Variants in ITPR2 observed in about 807,000 individuals in gnomAD.
ITPR2 encodes the protein inositol 1,4,5-trisphosphate-gated calcium channel ITPR2.
ITPR2 carries 207 observed loss-of-function variants against 317.1 expected under a neutral mutation model. The observed-to-expected ratio is 0.65, with a 90% CI of 0.58 to 0.73. The LOEUF is 0.73. ITPR2 is among the 30% of genes least tolerant of loss of function. The probability of loss-of-function intolerance (pLI) is 0.00; values close to 1 mark genes in which losing one functional copy is unlikely to be tolerated. For synonymous variants in ITPR2, 1,156 were observed against 1,149.1 expected, an observed-to-expected ratio of 1.01 and a Z score of -0.12; for missense variants, 2,613 against 3,284.0, an observed-to-expected ratio of 0.80 and a Z score of 4.99.
rs776600793 is a variant in ITPR2, at chr12:26,628,166, T to C, written c.2935-4A>G. Reference sequence around the variant, plus strand: ...CCAGTCTGACACTCAGGATAAACTATAAGAAACATTAAGAACAACATAAAT... The same window carrying C: ...CCAGTCTGACACTCAGGATAAACTACAAGAAACATTAAGAACAACATAAAT... On this transcript the variant is annotated splice_region_variant and splice_polypyrimidine_tract_variant and intron_variant, in intron 22 of 56. Transcript: ENST00000381340. 2 of 1,577,478 alleles carry C rather than the reference T, an allele frequency of 1.3e-6. No homozygotes were observed. The highest frequency in any genetic ancestry group is 1.7e-6 in the Non-Finnish European group (2 of 1,160,822).
At chr12:26,743,342 A>G (rs1949267838) in intron 2 of ITPR2, among the ~76,000 whole-genome samples, 1 of 152,240 alleles carries the variant, frequency 6.6e-6, no homozygotes, top group African/African-American at 2.4e-5. Context: ...TTATATTTAC[A>G]TTTATTTATA....
At chr12:26,527,032 G>T (rs982945090) in intron 37 of ITPR2, among the ~76,000 whole-genome samples, 1 of 152,126 alleles carries the variant, frequency 6.6e-6, no homozygotes, top group African/African-American at 2.4e-5. Flanking sequence ...AGCCCCTAAT[G>T]ATCTATTCCT....
chr12:26,773,129 A>G (rs1354873232), intron 2 of ITPR2, among the ~76,000 whole-genome samples: 1 of 152,204 alleles, frequency 6.6e-6, no homozygotes, highest in African/African-American at 2.4e-5. Flanking sequence ...GTTGAAAAAC[A>G]AGCCTACCTT....
intron 26 of ITPR2, among the ~76,000 whole-genome samples, chr12:26,605,126 A>AAAAAAATATAT (rs1555165395): frequency 2.2e-5 from 3 of 136,322 alleles, no homozygotes; most frequent in Middle Eastern, 4.0e-3. Flanking sequence ...AAAAAATAAA[A>AAAAAAATATAT]ATATATATAT....
At position 26,798,608 on chromosome 12, in the gene ITPR2, C is replaced by T. The variant is rs1592141184; in HGVS notation, c.93-8381G>A. On this transcript the variant is annotated intron_variant, in intron 1 of 56. Transcript: ENST00000381340. ...GTAATATGCACATTTTTTAACTTAG[C>T]CAACACTCAAGTTGCCCAAATAAGA... Among the ~76,000 whole-genome samples the T allele has an allele frequency of 2.6e-5, 4 of 152,158 alleles. No homozygotes were observed. The South Asian group carries it at 8.3e-4, about 31-fold the overall frequency.
intron 26 of ITPR2, among the ~76,000 whole-genome samples, chr12:26,613,399 AT>A (rs1410764740): frequency 6.6e-6 from 1 of 152,220 alleles, no homozygotes; most frequent in Non-Finnish European, 1.5e-5. Context: ...TCTAAAAATG[AT>A]TGATAAAATA....
At chr12:26,356,727 TTG>T (rs1374185363) in intron 55 of ITPR2, among the ~76,000 whole-genome samples, 1 of 152,244 alleles carries the variant, frequency 6.6e-6, no homozygotes, top group African/African-American at 2.4e-5. Context: ...GATTGATTGA[TTG>T]TAGGGTGGGG....
intron 1 of ITPR2, among the ~76,000 whole-genome samples, chr12:26,812,509 G>A (rs1398983576): frequency 6.6e-6 from 1 of 152,112 alleles, no homozygotes; most frequent in Non-Finnish European, 1.5e-5. Context: ...AACCCGTGAG[G>A]CGGAGCTTGC....
chr12:26,689,586 A>C (rs1948195454), intron 10 of ITPR2, among the ~76,000 whole-genome samples: 1 of 152,140 alleles, frequency 6.6e-6, no homozygotes, highest in African/African-American at 2.4e-5. Flanking sequence ...GTGTTATAAT[A>C]AGATATGGAT....
intron 9 of ITPR2, among the ~76,000 whole-genome samples, chr12:26,703,619 T>G (rs1948495949): frequency 6.6e-6 from 1 of 152,228 alleles, no homozygotes; most frequent in Non-Finnish European, 1.5e-5. Context: ...TTGCCATCGT[T>G]ACCCTCAGTT....
At chr12:26,650,791 T>C (rs1326120471) in intron 21 of ITPR2, among the ~76,000 whole-genome samples, 3 of 151,964 alleles carry the variant, frequency 2.0e-5, no homozygotes, top group Non-Finnish European at 4.4e-5. Context: ...CCTCTGGGAG[T>C]GGTAAAAGGA....
In ITPR2 at chr12:26,622,327, G is replaced by C. The variant is rs779732956; in HGVS notation, c.3201C>G (p.His1067Gln). ...FLRVLIHLIM[H>Q]DYPPLLSGAL... The stretch of plus-strand genomic sequence containing the variant: ...CTCCAGACAGCAAAGGCGGGTAGTC[G>C]TGCATGATCAGATGAATGAGGACCC... The change falls in exon 25 of 57, where the codon CAC becomes CAG. Residue 1067 changes from histidine (H) to glutamine (Q), a missense_variant. This residue lies in a region of ITPR2 where 817 missense variants were observed against 897.6 expected (regional missense o/e 0.91). Transcript: ENST00000381340. The C allele has an allele frequency of 6.2e-7, 1 of 1,613,952 alleles. No homozygotes were observed. Among genetic ancestry groups the C allele is most frequent in the Non-Finnish European group, 8.5e-7 (1 of 1,179,908 alleles).
chr12:26,548,267 T>A (rs1267872873), intron 37 of ITPR2, among the ~76,000 whole-genome samples: 1 of 152,158 alleles, frequency 6.6e-6, no homozygotes, highest in South Asian at 2.1e-4. Flanking sequence ...TGATTCCAGA[T>A]GAAGCAAAGG....
Position 26,445,477 on chromosome 12 carries a change from C to T in ITPR2, c.6343-1827G>A, listed in dbSNP as rs371397786. On this transcript the variant is annotated intron_variant, in intron 45 of 56. Coordinates refer to ENST00000381340, the MANE Select transcript of ITPR2 (RefSeq NM_002223.4). ...CAATATAGGTTAGGAAGAGAAAAGA[C>T]ATCAGCAAATTAGACTGAGAAAGTT... is the stretch of plus-strand genomic sequence containing the variant. Among the ~76,000 whole-genome samples, 49 of 152,176 alleles carry T rather than the reference C, an allele frequency of 3.2e-4. 1 individual carries two copies. Among genetic ancestry groups the T allele is most frequent in the African/African-American group, 1.2e-3 (48 of 41,526 alleles).
chr12:26,472,609 C>T (rs1053292425), intron 45 of ITPR2, among the ~76,000 whole-genome samples: 2 of 152,000 alleles, frequency 1.3e-5, no homozygotes, highest in Admixed American at 1.3e-4. Context: ...TTTACTACTT[C>T]TAAATTTCCA....
intron 39 of ITPR2, among the ~76,000 whole-genome samples, chr12:26,492,705 C>A (rs1177218156): frequency 6.6e-6 from 1 of 152,040 alleles, no homozygotes; most frequent in African/African-American, 2.4e-5. Flanking sequence ...GTCAAAGAGT[C>A]CAGTTTCAGT....
At chr12:26,827,753 A>G (rs976273248) in intron 1 of ITPR2, among the ~76,000 whole-genome samples, 7 of 152,226 alleles carry the variant, frequency 4.6e-5, no homozygotes. Flanking sequence ...TTGAAAAAAC[A>G]TCATGCTACT....
intron 36 of ITPR2, among the ~76,000 whole-genome samples, chr12:26,551,302 A>G (rs1265869666): frequency 6.6e-6 from 1 of 152,178 alleles, no homozygotes. Flanking sequence ...GGGACTCCCA[A>G]TTTACCCTCA....
chr12:26,658,169 AG>A (rs1565671645), intron 16 of ITPR2, 39 bp from the exon 17 acceptor site: 1 of 1,421,098 alleles, frequency 7.0e-7, no homozygotes, highest in South Asian at 1.5e-5. Flanking sequence ...ATGAAGACAA[AG>A]CATTTTATAA....
Sources: allele counts gnomAD v4.1 joint callset (sites outside exome capture counted in the v4.1 genomes callset), GRCh38; gene constraint gnomAD v4.1.1; regional missense constraint gnomAD v4.1.1; transcripts MANE v1.5; gene names NCBI Gene and HGNC (gene_info 2026-07-23, HGNC 2026-07-21).